The following RGS5 variants were observed in gnomAD, a reference collection of about 807,000 sequenced individuals.
The protein encoded by RGS5 is regulator of G-protein signalling 5.
Under a neutral mutation model 18.9 loss-of-function variants are expected in RGS5, and 20 were observed. That is an observed-to-expected ratio of 1.06 (90% CI 0.74 to 1.54). RGS5 has a LOEUF of 1.54. RGS5 is among the 40% of genes most tolerant of loss of function. The pLI is 0.00. For synonymous variants in RGS5, 57 were observed against 76.2 expected (o/e 0.75, Z 1.31); for missense variants, 201 against 211.8 (o/e 0.95, Z 0.32).
intron 1 of RGS5, among the ~76,000 whole-genome samples, chr1:163,319,705 C>T (rs918450497): frequency 2.0e-5 from 3 of 152,038 alleles, no homozygotes; most frequent in Admixed American, 6.6e-5. Flanking sequence ...GCAGTCTAGG[C>T]TGTGAAGGGA....
intron 1 of RGS5, among the ~76,000 whole-genome samples, chr1:163,174,449 A>T (rs1194330171): frequency 6.6e-6 from 1 of 152,326 alleles, no homozygotes; most frequent in East Asian, 1.9e-4. Flanking sequence ...GGTTATAGTA[A>T]AGCTGCATTT....
chr1:163,157,140 G>A (rs1657614379), intron 3 of RGS5, among the ~76,000 whole-genome samples: 1 of 152,046 alleles, frequency 6.6e-6, no homozygotes, highest in Non-Finnish European at 1.5e-5. Context: ...AGATGCTCTG[G>A]CCTTCTGAAA....
At chr1:163,265,596 C>A (rs568797614) in intron 2 of RGS5, among the ~76,000 whole-genome samples, 1 of 152,090 alleles carries the variant, frequency 6.6e-6, no homozygotes, top group East Asian at 1.9e-4. Context: ...TCTCTCCTTC[C>A]TTTAACTCAA....
chr1:163,176,823 A>T (rs1480112460), intron 1 of RGS5, among the ~76,000 whole-genome samples: 2 of 152,230 alleles, frequency 1.3e-5, no homozygotes, highest in Non-Finnish European at 2.9e-5. Context: ...GGCAAGACAG[A>T]TACAAAACAA....
intron 2 of RGS5, among the ~76,000 whole-genome samples, chr1:163,298,963 T>A (rs1292026330): frequency 1.3e-5 from 2 of 152,146 alleles, no homozygotes; most frequent in African/African-American, 4.8e-5. Context: ...TAGAGAACAA[T>A]CAAATTTCTG....
chr1:163,158,513 T>A (rs111761875), intron 3 of RGS5, among the ~76,000 whole-genome samples: 2 of 151,918 alleles, frequency 1.3e-5, no homozygotes, highest in African/African-American at 4.8e-5. Flanking sequence ...AAGAGAGAAA[T>A]CTTAAAGCTT....
At chr1:163,161,505 T>G (rs956316863) in intron 3 of RGS5, among the ~76,000 whole-genome samples, 1 of 152,168 alleles carries the variant, frequency 6.6e-6, no homozygotes, top group African/African-American at 2.4e-5. Flanking sequence ...TGAACCAGGA[T>G]GTACTACTCA....
At chr1:163,304,444 C>T (rs1395530660) in intron 2 of RGS5, 2 of 152,152 alleles carry the variant, frequency 1.3e-5, no homozygotes, top group African/African-American at 4.8e-5. Context: ...GTGTTAAAGG[C>T]TGACATGGAT....
intron 1 of RGS5, among the ~76,000 whole-genome samples, chr1:163,209,409 C>T (rs1373711388): frequency 1.3e-5 from 2 of 152,154 alleles, no homozygotes; most frequent in African/African-American, 4.8e-5. Context: ...TTATTCCCTA[C>T]AAAAGCTTGT....
At chr1:163,200,959 T>C (rs553019350) in intron 1 of RGS5, among the ~76,000 whole-genome samples, 48 of 152,296 alleles carry the variant, frequency 3.2e-4, no homozygotes, top group African/African-American at 1.1e-3. Flanking sequence ...TATATCTCAG[T>C]GAATATTATG....
At chr1:163,161,706 T>C (rs2102393360) in intron 3 of RGS5, 1 of 493,592 alleles carries the variant, frequency 2.0e-6, no homozygotes, top group Non-Finnish European at 3.7e-6. Flanking sequence ...GAACACCTTA[T>C]GTTCACATTC....
intron 1 of RGS5, among the ~76,000 whole-genome samples, chr1:163,310,673 T>A (rs1398097006): frequency 6.6e-6 from 1 of 151,534 alleles, no homozygotes; most frequent in Non-Finnish European, 1.5e-5. Context: ...GTCACTTTCA[T>A]CATCTTAGCA....
At chr1:163,226,046 G>C (rs1036513552) in intron 2 of RGS5, among the ~76,000 whole-genome samples, 1 of 151,804 alleles carries the variant, frequency 6.6e-6, no homozygotes, top group Non-Finnish European at 1.5e-5. Context: ...TCAGCCTCCC[G>C]AGTAGCTGGA....
intron 1 of RGS5, chr1:163,172,633 A>G (rs567423151): frequency 1.3e-6 from 2 of 1,547,732 alleles, no homozygotes; most frequent in Admixed American, 2.0e-5. Context: ...TGCTTTGGAA[A>G]ACACTTCTTT....
chr1:163,309,573 C>T (rs766276734), intron 1 of RGS5, among the ~76,000 whole-genome samples: 1 of 151,984 alleles, frequency 6.6e-6, no homozygotes, highest in Non-Finnish European at 1.5e-5. Context: ...GCAATTTAGT[C>T]ACATCTTCAG....
chr1:163,292,933 A>T (rs1253229894), intron 2 of RGS5, among the ~76,000 whole-genome samples: 1 of 152,046 alleles, frequency 6.6e-6, no homozygotes, highest in Admixed American at 6.6e-5. Flanking sequence ...TGTCGAATGG[A>T]TAGATTGCAA....
intron 1 of RGS5, among the ~76,000 whole-genome samples, chr1:163,312,255 T>C (rs1356403384): frequency 6.6e-6 from 1 of 152,222 alleles, no homozygotes; most frequent in Non-Finnish European, 1.5e-5. Context: ...TGATTGTAAG[T>C]TTCCAGAGGC....
intron 2 of RGS5, among the ~76,000 whole-genome samples, chr1:163,287,023 T>C (rs1226240359): frequency 6.6e-6 from 1 of 152,158 alleles, no homozygotes; most frequent in Non-Finnish European, 1.5e-5. Flanking sequence ...TCAGAACACT[T>C]TTTCACAAGA....
At chr1:163,179,009 ATGTCCAACTCCCAAC>A (rs1295283436) in intron 1 of RGS5, among the ~76,000 whole-genome samples, 1 of 152,220 alleles carries the variant, frequency 6.6e-6, no homozygotes, top group Non-Finnish European at 1.5e-5. Context: ...GAGAGAGACA[ATGTCCAACTCCCAAC>A]TGTGGCAAAA....
Sources: gnomAD v4.1 joint callset for allele counts (sites outside exome capture counted in the v4.1 genomes callset) on GRCh38, gnomAD v4.1.1 for gene constraint, MANE v1.5 for transcripts, NCBI Gene and HGNC (gene_info 2026-07-23, HGNC 2026-07-21) for gene names.